The following SPAG9 variants were observed in gnomAD, a reference collection of about 807,000 sequenced individuals.
SPAG9 encodes the protein C-Jun-amino-terminal kinase-interacting protein 4.
In SPAG9, 35 loss-of-function variants were observed where a neutral mutation model predicts 166.5. The observed-to-expected ratio is 0.21, with a 90% CI of 0.16 to 0.28. SPAG9 has a LOEUF of 0.28. Ranked by LOEUF, SPAG9 falls within the 10% of genes least tolerant of loss-of-function variation. The pLI is 1.00. For synonymous variants in SPAG9, 534 were observed against 565.5 expected (o/e 0.94, Z 0.79); for missense variants, 1,235 against 1,603.3 (o/e 0.77, Z 3.92).
rs1322626904 is a variant in SPAG9, at chr17:50,990,459, T to C, written c.2608A>G (p.Lys870Glu). 1.2e-6 allele frequency: 2 copies of C among 1,613,150 alleles called. No individual in the cohort carries two copies. The highest frequency in any genetic ancestry group is 2.2e-5 in the East Asian group (1 of 44,890). ...STNGASPVMD[K>E]PPEMEAENSE... ...AAGAGAATGGATATACCTGGTGGTT[T>C]ATCCATCACTGGAGAAGCACCATTT... The change falls in exon 20 of 30, where the codon AAA becomes GAA. Residue 870 changes from lysine (K) to glutamate (E), a missense_variant. Physicochemically the swap from Lys to Glu is moderately conservative, Grantham distance 56. Coordinates refer to ENST00000262013, the MANE Select transcript of SPAG9 (RefSeq NM_001130528.3).
intron 8 of SPAG9, among the ~76,000 whole-genome samples, chr17:51,019,663 A>T (rs574835934): frequency 6.6e-6 from 1 of 151,680 alleles, no homozygotes; most frequent in South Asian, 2.1e-4. Flanking sequence ...GACCAGCCTG[A>T]CCAACATGGA....
intron 1 of SPAG9, among the ~76,000 whole-genome samples, chr17:51,089,223 A>C (rs2144678664): frequency 6.6e-6 from 1 of 152,230 alleles, no homozygotes; most frequent in South Asian, 2.1e-4. Flanking sequence ...CAGGAGTTCG[A>C]GACCAGCCTA....
chr17:50,985,810 T>C (rs972170152), intron 22 of SPAG9, 32 bp from the exon 23 acceptor site: 13 of 1,274,336 alleles, frequency 1.0e-5, no homozygotes, highest in African/African-American at 5.9e-5. Context: ...TGGTAAGGCA[T>C]AGAGAACATC....
chr17:50,968,243 G>T (rs553765623), intron 29 of SPAG9, among the ~76,000 whole-genome samples: 3 of 152,018 alleles, frequency 2.0e-5, no homozygotes, highest in Non-Finnish European at 2.9e-5. Flanking sequence ...ATCAGATATT[G>T]GTGACACTAA....
intron 4 of SPAG9, among the ~76,000 whole-genome samples, chr17:51,043,949 A>G (rs2046932942): frequency 6.6e-6 from 1 of 152,208 alleles, no homozygotes; most frequent in Admixed American, 6.5e-5. Context: ...ATCAACAGTC[A>G]ACAAAATCTA....
chr17:50,989,417 C>A, intron 21 of SPAG9: 1 of 507,234 alleles, frequency 2.0e-6, no homozygotes, highest in Non-Finnish European at 3.6e-6. Context: ...AGAACATATC[C>A]CCATTGTTGA....
At chr17:51,085,286 C>T (rs1203065176) in intron 1 of SPAG9, 1 of 152,248 alleles carries the variant, frequency 6.6e-6, no homozygotes, top group African/African-American at 2.4e-5. Flanking sequence ...CAACTCCTTT[C>T]TGCCTAATAG....
chr17:51,017,124 A>T (rs1251140917), intron 8 of SPAG9, among the ~76,000 whole-genome samples: 3 of 152,204 alleles, frequency 2.0e-5, no homozygotes, highest in Non-Finnish European at 4.4e-5. Context: ...GCCTTTTTCA[A>T]CCAGGGTTCC....
At chr17:51,028,645 CA>C (rs1467387577) in intron 6 of SPAG9, among the ~76,000 whole-genome samples, 1 of 152,164 alleles carries the variant, frequency 6.6e-6, no homozygotes, top group Non-Finnish European at 1.5e-5. Flanking sequence ...GTTCCTACAA[CA>C]AAATCACCTA....
chr17:51,040,901 C>T (rs1411112897), intron 5 of SPAG9, among the ~76,000 whole-genome samples: 3 of 152,178 alleles, frequency 2.0e-5, no homozygotes, highest in African/African-American at 4.8e-5. Flanking sequence ...TACAGAACTT[C>T]AAATATTCTT....
chr17:51,046,733 T>A (rs1464042674), intron 4 of SPAG9: 11 of 1,535,628 alleles, frequency 7.2e-6, no homozygotes, highest in Non-Finnish European at 9.6e-6. Flanking sequence ...ATCTTTGTAG[T>A]GAGGATCTGT....
intron 1 of SPAG9, among the ~76,000 whole-genome samples, chr17:51,099,778 A>AAC (rs1355846615): frequency 1.4e-5 from 2 of 147,990 alleles, no homozygotes; most frequent in African/African-American, 2.6e-5. Flanking sequence ...AAAAAAAAAA[A>AAC]AAAAAAAAAA....
chr17:51,037,460 A>G (rs780017172), intron 5 of SPAG9, among the ~76,000 whole-genome samples: 6 of 151,444 alleles, frequency 4.0e-5, no homozygotes, highest in Non-Finnish European at 7.4e-5. Flanking sequence ...TAAAAACACA[A>G]AAATTAGCCA....
Position 50,982,980 on chromosome 17 carries a change from G to A in SPAG9, c.3089-308C>T, listed in dbSNP as rs965080331. ...TTATCTGTTTATCATAATATTTTTC[G>A]AATTAGAATGGACTTAAGGTTATTT... On this transcript the variant is annotated intron_variant, in intron 24 of 29. Transcript: ENST00000262013. Among the ~76,000 whole-genome samples, 11 of 152,120 alleles carry A rather than the reference G, an allele frequency of 7.2e-5. No homozygotes were observed. In the East Asian group the frequency reaches 1.2e-3, roughly 16 times the overall value.
intron 28 of SPAG9, among the ~76,000 whole-genome samples, chr17:50,973,864 A>AGCCTGCCC (rs1229825123): frequency 2.0e-5 from 3 of 152,202 alleles, no homozygotes; most frequent in African/African-American, 7.2e-5. Context: ...CCAGCCTGCC[A>AGCCTGCCC]GCCTGCCCTG....
intron 29 of SPAG9, 126 bp downstream of exon 29, chr17:50,970,581 T>C (rs1973710178): frequency 2.9e-6 from 2 of 679,076 alleles, no homozygotes; most frequent in Non-Finnish European, 4.5e-6. Flanking sequence ...CAAAATCCTT[T>C]CGTGTGTAAA....
intron 6 of SPAG9, among the ~76,000 whole-genome samples, chr17:51,028,317 A>G (rs955454870): frequency 2.0e-5 from 3 of 152,224 alleles, no homozygotes; most frequent in Admixed American, 6.5e-5. Flanking sequence ...TAAAGTCTAC[A>G]GTAATGTCCA....
At chr17:51,057,186 A>C (rs2047385033) in intron 2 of SPAG9, among the ~76,000 whole-genome samples, 1 of 152,146 alleles carries the variant, frequency 6.6e-6, no homozygotes, top group South Asian at 2.1e-4. Context: ...CATTCCTGAC[A>C]CTGTTACCAC....
At chr17:51,013,290 G>A (rs1235382482) in intron 9 of SPAG9, among the ~76,000 whole-genome samples, 1 of 151,936 alleles carries the variant, frequency 6.6e-6, no homozygotes, top group Non-Finnish European at 1.5e-5. Flanking sequence ...ATTTCTATAG[G>A]GTCCTAAGTT....
Sources: allele counts gnomAD v4.1 joint callset (sites outside exome capture counted in the v4.1 genomes callset), GRCh38; gene constraint gnomAD v4.1.1; transcripts MANE v1.5; gene names NCBI Gene and HGNC (gene_info 2026-07-23, HGNC 2026-07-21).